PLCD3: variants seen among roughly 807,000 people sequenced by gnomAD.
PLCD3 encodes the protein phospholipase C delta 3.
Under a neutral mutation model 82.8 loss-of-function variants are expected in PLCD3, and 62 were observed. That is an observed-to-expected ratio of 0.75 (90% CI 0.61 to 0.93). PLCD3 has a LOEUF of 0.93. Among genes scored for constraint, PLCD3 ranks in the 40% least tolerant of loss-of-function variants. The pLI, the probability that PLCD3 is intolerant of heterozygous loss-of-function variation, is 0.00. For missense variants in PLCD3, 1,023 were observed against 1,103.4 expected (o/e 0.93, Z 1.03); for synonymous variants, 478 against 471.8 (o/e 1.01, Z -0.17).
At chr17:45,113,048 C>T (rs1305840317) in intron 13 of PLCD3, 36 bp from the exon 14 acceptor site, 1 of 1,603,014 alleles carries the variant, frequency 6.2e-7, no homozygotes, top group East Asian at 2.2e-5. Flanking sequence ...GCCCAGGGGC[C>T]CCAGGACCCA....
Position 45,112,983 on chromosome 17 carries a change from G to A in PLCD3, c.2161C>T (p.Gln721Ter). 6.2e-7 allele frequency: 1 copy of A among 1,610,298 alleles called. No individual in the cohort carries two copies. Among genetic ancestry groups the A allele is most frequent in the Non-Finnish European group, 8.5e-7 (1 of 1,177,810 alleles). The change falls in exon 14 of 15, where the codon CAG becomes TAG. Residue 721 changes from glutamine to a stop codon, truncating the protein, a stop_gained. Transcript: ENST00000619929. LOFTEE classifies it high-confidence loss of function. Reference protein sequence around the residue: ...GFNPRWGQTLQFQLRAPELAL... With the variant: ...GFNPRWGQTL ...AGCTCCGGAGCCCGCAGCTGGAACT[G>A]CAGGGTCTGCCCCCAGCGGGGGTTG...
At position 45,118,857 on chromosome 17, in the gene PLCD3, G is replaced by T; in HGVS notation, c.871C>A (p.Arg291Ser). Reference sequence around the variant, plus strand: ...TAGGTCTGAATGAGCTGCTGGGCGCGGGCCAGTGTGGCGCCCTCCTCGCCC... The same window carrying T: ...TAGGTCTGAATGAGCTGCTGGGCGCTGGCCAGTGTGGCGCCCTCCTCGCCC... Reference protein sequence around the residue: ...DQGEEGATLARAQQLIQTYEL... With the variant: ...DQGEEGATLASAQQLIQTYEL... The change falls in exon 5 of 15, where the codon CGC (arginine) becomes AGC (serine). Residue 291 changes from arginine to serine, a missense_variant. Physicochemically the swap from Arg to Ser is moderately radical, Grantham distance 110 (BLOSUM62 -1). Coordinates refer to ENST00000619929, the MANE Select transcript of PLCD3 (RefSeq NM_133373.5). This position sits in a 1 kb window ranked among gnomAD's most constrained non-coding sequence, Gnocchi z 4.1. 6.2e-7 allele frequency: 1 copy of T among 1,611,600 alleles called. No individual in the cohort carries two copies.
intron 1 of PLCD3, among the ~76,000 whole-genome samples, chr17:45,126,681 G>C (rs187306523): frequency 6.7e-6 from 1 of 150,112 alleles, no homozygotes; most frequent in East Asian, 2.0e-4. Flanking sequence ...TTCTGAGACA[G>C]GGTCTTGCTC....
At chr17:45,123,844 G>A (rs1295158412) in intron 1 of PLCD3, among the ~76,000 whole-genome samples, 1 of 152,116 alleles carries the variant, frequency 6.6e-6, no homozygotes, top group Non-Finnish European at 1.5e-5. Context: ...GTGGCCCTCT[G>A]AGTGAATGCC....
chr17:45,120,884 C>G lies in PLCD3; in HGVS notation c.554+18G>C. The G allele has an allele frequency of 1.4e-6, 2 of 1,415,252 alleles. No individual in the cohort carries two copies. Among genetic ancestry groups the G allele is most frequent in the Non-Finnish European group, 1.8e-6 (2 of 1,089,924 alleles). The allele number at this position is 1,415,252 out of a possible 1,614,324, so 87.7% of individuals were successfully genotyped here. A position where few individuals can be genotyped will look rare whatever the true frequency, so the allele number is the denominator to read the frequency against. On this transcript the variant is annotated intron_variant, in intron 3 of 14. Coordinates refer to ENST00000619929, the MANE Select transcript of PLCD3 (RefSeq NM_133373.5). ...CTCTCCAAGGATGGGGCCCTCCCTCCCAGCCCCGGCAGGATATTGGTCTAG... is the reference window on the plus strand; with the variant it reads ...CTCTCCAAGGATGGGGCCCTCCCTCGCAGCCCCGGCAGGATATTGGTCTAG...
intron 1 of PLCD3, among the ~76,000 whole-genome samples, chr17:45,123,961 C>CCCA (rs1555610219): frequency 1.4e-5 from 2 of 141,168 alleles, no homozygotes; most frequent in African/African-American, 5.2e-5. Context: ...ACCAGACCCC[C>CCCA]CCCCCAACCA....
Position 45,118,926 on chromosome 17 carries a change from G to T in PLCD3, c.802C>A (p.Arg268Ser), listed in dbSNP as rs374964008. 1.2e-6 allele frequency: 2 copies of T among 1,612,600 alleles called. No homozygotes were observed. The highest frequency in any genetic ancestry group is 1.3e-5 in the African/African-American group (1 of 74,922). Residue 268 changes from arginine (R) to serine (S), a missense_variant, in exon 5 of 15, where the codon CGC becomes AGC. By Grantham distance (110) the Arg-to-Ser change is moderately radical (BLOSUM62 -1). Coordinates refer to ENST00000619929, the MANE Select transcript of PLCD3 (RefSeq NM_133373.5). The surrounding 1 kb of genome is among the most constrained non-coding windows in gnomAD (Gnocchi z 4.1). Reference protein sequence around the residue: ...EIFHQYSGEDRVLSAPELLEF... With the variant: ...EIFHQYSGEDSVLSAPELLEF... ...AGCAGCTCAGGGGCACTCAGCACGC[G>T]GTCCTCGCCCGAGTACTGATGGAAG...
rs2054272792 is a variant in PLCD3, at chr17:45,114,368, T to C, written c.1712-2A>G. ...CATTGTGCCTGACAAAGCTGTTCCC[T>C]GGGGCAGAGTTGGGGTGAGACCGTG... On this transcript the variant is annotated splice_acceptor_variant, in intron 10 of 14. Coordinates refer to ENST00000619929, the MANE Select transcript of PLCD3 (RefSeq NM_133373.5). LOFTEE classifies it high-confidence loss of function. 2 of 1,547,680 alleles carry C rather than the reference T, an allele frequency of 1.3e-6. No homozygotes were observed. Among genetic ancestry groups the C allele is most frequent in the Non-Finnish European group, 1.7e-6 (2 of 1,145,556 alleles).
chr17:45,123,582 G>C (rs889795839), intron 1 of PLCD3, among the ~76,000 whole-genome samples: 11 of 152,172 alleles, frequency 7.2e-5, no homozygotes, highest in Admixed American at 5.9e-4. Flanking sequence ...GGCCTCGCAG[G>C]TCAGGGTTTC....
chr17:45,117,316 G>A (rs1355156896), intron 7 of PLCD3, among the ~76,000 whole-genome samples: 1 of 152,112 alleles, frequency 6.6e-6, no homozygotes, highest in African/African-American at 2.4e-5. Flanking sequence ...GGCACAGTCA[G>A]TCTCCCTGTG....
At chr17:45,119,904 G>A (rs1488871476) in intron 4 of PLCD3, among the ~76,000 whole-genome samples, 1 of 152,246 alleles carries the variant, frequency 6.6e-6, no homozygotes, top group Non-Finnish European at 1.5e-5. Flanking sequence ...GTGCCCCTGT[G>A]CTCCCATGCA....
At chr17:45,127,895 T>G (rs1164141074) in intron 1 of PLCD3, among the ~76,000 whole-genome samples, 2 of 151,998 alleles carry the variant, frequency 1.3e-5, no homozygotes, top group African/African-American at 4.8e-5. Flanking sequence ...CGGCTCGCAC[T>G]CGGGAGGTGC....
intron 1 of PLCD3, among the ~76,000 whole-genome samples, chr17:45,128,527 G>A (rs1048123818): frequency 1.3e-5 from 2 of 152,250 alleles, no homozygotes; most frequent in Non-Finnish European, 2.9e-5. Flanking sequence ...CACTCACCCT[G>A]CGGAAGACAT....
At chr17:45,119,585 C>T (rs760689251) in intron 4 of PLCD3, among the ~76,000 whole-genome samples, 13 of 152,230 alleles carry the variant, frequency 8.5e-5, no homozygotes, top group Non-Finnish European at 1.5e-4. Context: ...TGCCCCTCTG[C>T]ACCATGACCT....
rs536756857 is a variant in PLCD3, at chr17:45,111,305, G to A, written c.*1311C>T. 6.6e-6 allele frequency: 1 copy of A among 152,402 alleles called. No individual in the cohort carries two copies. Among genetic ancestry groups the A allele is most frequent in the East Asian group, 1.9e-4 (1 of 5,184 alleles). The allele number at this position is 152,402 out of a possible 1,614,324, so 9.4% of individuals were successfully genotyped here. On this transcript the variant is annotated 3_prime_UTR_variant, in exon 15 of 15. Transcript: ENST00000619929. ...GGCCTTGAGCCCAGCCAAGCCTGGA[G>A]AGTGGCAGTCTGAGGGTCCCTCAGA... is the stretch of plus-strand genomic sequence containing the variant.
In PLCD3 at chr17:45,112,064, C is replaced by G. The variant is rs900216583; in HGVS notation, c.*552G>C. 1.3e-5 allele frequency: 2 copies of G among 153,634 alleles called. No homozygotes were observed. The highest frequency in any genetic ancestry group is 1.3e-4 in the Admixed American group (2 of 15,450). 9.5% of individuals were successfully genotyped at this position (153,634 alleles called of 1,614,324 possible). ...AAAAATAAAAACCAAAACCTACTGC[C>G]AGTTTCCCCAGGGCTTCATGCCTCA... On this transcript the variant is annotated 3_prime_UTR_variant, in exon 15 of 15. Transcript: ENST00000619929.
chr17:45,125,188 C>A (rs2054372281), intron 1 of PLCD3, among the ~76,000 whole-genome samples: 1 of 151,574 alleles, frequency 6.6e-6, no homozygotes, highest in Non-Finnish European at 1.5e-5. Context: ...ATCAGCCGGG[C>A]ATGGTGGCTC....
At chr17:45,123,561 C>T (rs9910681) in intron 1 of PLCD3, among the ~76,000 whole-genome samples, 8 of 152,006 alleles carry the variant, frequency 5.3e-5, no homozygotes, top group South Asian at 2.1e-4. Context: ...ACAGAGGCCT[C>T]GCAGGGCAGA....
chr17:45,120,550 C>A, intron 3 of PLCD3, 96 bp from the exon 4 acceptor site: 1 of 1,539,988 alleles, frequency 6.5e-7, no homozygotes, highest in East Asian at 2.3e-5. Context: ...CTGGGGGATC[C>A]CCAGTTTAGG....
Sources: allele counts gnomAD v4.1 joint callset (sites outside exome capture counted in the v4.1 genomes callset), GRCh38; gene constraint gnomAD v4.1.1; non-coding constraint Gnocchi (gnomAD v3.1); transcripts MANE v1.5; gene names NCBI Gene and HGNC (gene_info 2026-07-23, HGNC 2026-07-21).